Variants in BPTF observed in about 807,000 individuals in gnomAD.
The protein encoded by BPTF is nucleosome-remodeling factor subunit BPTF.
A neutral mutation model predicts 292.5 loss-of-function variants in BPTF; 18 were observed. That is an observed-to-expected ratio of 0.06 (90% CI 0.04 to 0.09). BPTF has a LOEUF of 0.09. BPTF is among the 10% of genes least tolerant of loss of function. BPTF has a pLI of 1.00. For synonymous variants in BPTF, 1,225 were observed against 1,251.9 expected (o/e 0.98, Z 0.45); for missense variants, 2,726 against 3,498.7 (o/e 0.78, Z 5.57).
chr17:67,964,290 C>G lies in BPTF; in HGVS notation c.8340C>G (p.Leu2780=). 6.2e-7 allele frequency: 1 copy of G among 1,614,052 alleles called. No individual in the cohort carries two copies. ...CVGILQSEAE[L]IDEYVCPQCQ... is the part of the protein sequence containing the mutation. Reference sequence around the variant, plus strand: ...GCATCTTGCAAAGTGAGGCAGAGCTCATTGATGAGTATGTCTGTCCACAGT... The same window carrying G: ...GCATCTTGCAAAGTGAGGCAGAGCTGATTGATGAGTATGTCTGTCCACAGT... Residue 2780 remains leucine, a synonymous_variant, in exon 25 of 28, where the codon CTC becomes CTG. Transcript: ENST00000306378.
intron 18 of BPTF, among the ~76,000 whole-genome samples, chr17:67,934,600 G>A (rs2064745264): frequency 6.6e-6 from 1 of 151,952 alleles, no homozygotes; most frequent in Non-Finnish European, 1.5e-5. Context: ...GTACAGCTGG[G>A]TGTGGTGGCT....
At chr17:67,889,897 A>T (rs1201878130) in intron 4 of BPTF, among the ~76,000 whole-genome samples, 2 of 152,184 alleles carry the variant, frequency 1.3e-5, no homozygotes, top group East Asian at 1.9e-4. Context: ...ATCCAAAGTG[A>T]CTTGCTTTCC....
intron 12 of BPTF, among the ~76,000 whole-genome samples, chr17:67,919,767 T>G (rs769354664): frequency 6.6e-6 from 1 of 152,132 alleles, no homozygotes; most frequent in African/African-American, 2.4e-5. Context: ...TTTGATTGAG[T>G]ATTGCCACCA....
Position 67,984,149 on chromosome 17 carries a change from T to C in BPTF, c.*1861T>C, listed in dbSNP as rs1267296753. 1 of 152,612 alleles carries C rather than the reference T, an allele frequency of 6.6e-6. No individual in the cohort carries two copies. The highest frequency in any genetic ancestry group is 2.4e-5 in the African/African-American group (1 of 41,464). The allele number at this position is 152,612 out of a possible 1,614,324, so 9.5% of individuals were successfully genotyped here. On this transcript the variant is annotated 3_prime_UTR_variant, in exon 28 of 28. Coordinates refer to ENST00000306378, the MANE Select transcript of BPTF (RefSeq NM_182641.4). Reference sequence around the variant, plus strand: ...AAGAATTCTACATTTTAATGAGTTATAAAATTATTCTGCATCTCATCACGT... The same window carrying C: ...AAGAATTCTACATTTTAATGAGTTACAAAATTATTCTGCATCTCATCACGT...
At position 67,909,755 on chromosome 17, in the gene BPTF, G is replaced by A. The variant is rs1379148757; in HGVS notation, c.2986G>A (p.Asp996Asn). ...TATCTCAAAGATTACTGAGAAGAAGGACCAAGGTAAGGAGAGTCAGCTGTG... is the reference window on the plus strand; with the variant it reads ...TATCTCAAAGATTACTGAGAAGAAGAACCAAGGTAAGGAGAGTCAGCTGTG... ...MDISKITEKK[D>N]QDVKELLDSD... The change falls in exon 10 of 28, where the codon GAC becomes AAC. Residue 996 changes from aspartate to asparagine, a missense_variant. Asp to Asn is a conservative substitution (Grantham distance 23). Transcript: ENST00000306378. 1.3e-6 allele frequency: 2 copies of A among 1,565,770 alleles called. No homozygotes were observed. Among genetic ancestry groups the A allele is most frequent in the Non-Finnish European group, 1.7e-6 (2 of 1,160,920 alleles).
chr17:67,981,226 T>G (rs1253705680), intron 27 of BPTF, among the ~76,000 whole-genome samples: 1 of 152,232 alleles, frequency 6.6e-6, no homozygotes, highest in Non-Finnish European at 1.5e-5. Context: ...CTGTTGCCTT[T>G]TTAGGGAATT....
rs2063065953 is a variant in BPTF, at chr17:67,917,131, C to CCTTT, written c.5304-1583_5304-1582insCTTT. Among the ~76,000 whole-genome samples the CCTTT allele has an allele frequency of 6.2e-3, 659 of 105,772 alleles. 24 individuals carry two copies. The highest frequency in any genetic ancestry group is 0.019 in the African/African-American group (530 of 27,618). 69.4% of individuals were successfully genotyped at this position (105,772 alleles called of 152,430 possible). A position where few individuals can be genotyped will look rare whatever the true frequency, so the allele number is the denominator to read the frequency against. On this transcript the variant is annotated intron_variant, in intron 11 of 27. Coordinates refer to ENST00000306378, the MANE Select transcript of BPTF (RefSeq NM_182641.4). ...GATAAGTAACTAATATGGTATTGTCCTTTTTTTTTTTTTTTTTTTGAGATA... is the reference window on the plus strand; with the variant it reads ...GATAAGTAACTAATATGGTATTGTCCCTTTTTTTTTTTTTTTTTTTTTTGAGATA...
At chr17:67,965,780 A>G (rs1191887641) in intron 25 of BPTF, 2 of 151,474 alleles carry the variant, frequency 1.3e-5, no homozygotes, top group Non-Finnish European at 2.9e-5. Context: ...ACAGAAAGCC[A>G]GTGTGGTTGC....
intron 1 of BPTF, among the ~76,000 whole-genome samples, chr17:67,847,475 C>T (rs1347288027): frequency 6.6e-6 from 1 of 151,494 alleles, no homozygotes; most frequent in Non-Finnish European, 1.5e-5. Flanking sequence ...GGTCGCGCCA[C>T]TGCACTCCAG....
At chr17:67,904,606 C>A in intron 8 of BPTF, 96 bp from the exon 9 acceptor site, 1 of 975,530 alleles carries the variant, frequency 1.0e-6, no homozygotes, top group Non-Finnish European at 1.4e-6. Context: ...ATTTGCCTGA[C>A]TTTGAAACTT....
intron 9 of BPTF, among the ~76,000 whole-genome samples, chr17:67,907,759 T>TA (rs1170543760): frequency 6.6e-6 from 1 of 152,202 alleles, no homozygotes; most frequent in Non-Finnish European, 1.5e-5. Context: ...GTTCAATATG[T>TA]ATCTCTACGT....
intron 24 of BPTF, chr17:67,963,527 C>T (rs553834808): frequency 7.2e-7 from 1 of 1,390,488 alleles, no homozygotes; most frequent in African/African-American, 1.5e-5. Flanking sequence ...ATAAGAGCAT[C>T]ATATTTAATA....
intron 24 of BPTF, among the ~76,000 whole-genome samples, chr17:67,961,471 T>C (rs1254609043): frequency 2.6e-4 from 30 of 115,780 alleles, no homozygotes; most frequent in African/African-American, 7.9e-4. Flanking sequence ...GAACACAGCC[T>C]ATCACCCTGT....
intron 25 of BPTF, 149 bp downstream of exon 25, chr17:67,964,553 C>A: frequency 1.1e-6 from 1 of 906,408 alleles, no homozygotes; most frequent in Non-Finnish European, 1.6e-6. Context: ...TGCAGTCCTT[C>A]ACGTACCAGT....
At chr17:67,866,400 A>G in intron 2 of BPTF, 64 bp from the exon 3 acceptor site, 1 of 1,276,448 alleles carries the variant, frequency 7.8e-7, no homozygotes, top group Non-Finnish European at 1.1e-6. Flanking sequence ...CACTGGGTAG[A>G]TGAACTGTCA....
intron 7 of BPTF, among the ~76,000 whole-genome samples, chr17:67,895,815 A>C (rs952794698): frequency 2.6e-5 from 4 of 152,146 alleles, no homozygotes; most frequent in Non-Finnish European, 5.9e-5. Flanking sequence ...TTTGACAAAA[A>C]CAAAGTTAAA....
intron 4 of BPTF, chr17:67,891,329 G>A (rs1265961273): frequency 6.6e-6 from 1 of 152,208 alleles, no homozygotes; most frequent in East Asian, 1.9e-4. Context: ...TAATTTAGTT[G>A]ATTGTTTTAT....
At position 67,959,893 on chromosome 17, in the gene BPTF, A is replaced by G. The variant is rs2067308898; in HGVS notation, c.8261+18A>G. ...GAATCTAAGTGAGTAGATCTTTTTG[A>G]GCTCTAGTTTTTTGTCTTGAAAGTT... On this transcript the variant is annotated intron_variant, in intron 24 of 27. Transcript: ENST00000306378. 3.4e-6 allele frequency: 5 copies of G among 1,486,044 alleles called. No individual in the cohort carries two copies. Among genetic ancestry groups the G allele is most frequent in the Non-Finnish European group, 4.5e-6 (5 of 1,113,134 alleles). 92.1% of individuals were successfully genotyped at this position (1,486,044 alleles called of 1,614,324 possible). A position where few individuals can be genotyped will look rare whatever the true frequency, so the allele number is the denominator to read the frequency against.
Position 67,911,444 on chromosome 17 carries a change from A to T in BPTF, c.3560A>T (p.Asn1187Ile), listed in dbSNP as rs779260084. The T allele has an allele frequency of 1.9e-6, 3 of 1,614,042 alleles. No individual in the cohort carries two copies. Among genetic ancestry groups the T allele is most frequent in the Non-Finnish European group, 2.5e-6 (3 of 1,180,024 alleles). ...TKCPKQNSIE[N>I]DIEEKVSDLA... Reference sequence around the variant, plus strand: ...TGTCCGAAACAAAATTCCATTGAAAATGACATAGAAGAAAAAGTCTCTGAC... The same window carrying T: ...TGTCCGAAACAAAATTCCATTGAAATTGACATAGAAGAAAAAGTCTCTGAC... The change falls in exon 11 of 28, where the codon AAT (asparagine) becomes ATT (isoleucine). Residue 1187 changes from asparagine (N) to isoleucine (I), a missense_variant. Transcript: ENST00000306378.
Sources: allele counts gnomAD v4.1 joint callset (sites outside exome capture counted in the v4.1 genomes callset), GRCh38; gene constraint gnomAD v4.1.1; transcripts MANE v1.5; gene names NCBI Gene and HGNC (gene_info 2026-07-23, HGNC 2026-07-21).